Variants in MTUS2 observed in about 807,000 individuals in gnomAD.
The protein encoded by MTUS2 is microtubule-associated tumor suppressor candidate 2.
In MTUS2, 40 loss-of-function variants were observed where a neutral mutation model predicts 114.1. The observed-to-expected ratio is 0.35, with a 90% CI of 0.27 to 0.46. The LOEUF is 0.46. Ranked by LOEUF, MTUS2 falls within the 20% of genes least tolerant of loss-of-function variation. The pLI, the probability that MTUS2 is intolerant of heterozygous loss-of-function variation, is 1.00. For synonymous variants in MTUS2, 688 were observed against 672.0 expected (o/e 1.02, Z -0.37); for missense variants, 1,679 against 1,705.4 (o/e 0.98, Z 0.27).
intron 5 of MTUS2, among the ~76,000 whole-genome samples, chr13:29,274,402 GC>G (rs1897985457): frequency 6.6e-6 from 1 of 152,070 alleles, no homozygotes; most frequent in Non-Finnish European, 1.5e-5. Context: ...GAGCCACCAC[GC>G]CTGGCCAACT....
At chr13:28,877,145 AC>A (rs1310985070) in intron 2 of MTUS2, among the ~76,000 whole-genome samples, 3 of 148,990 alleles carry the variant, frequency 2.0e-5, no homozygotes, top group Non-Finnish European at 3.0e-5. Context: ...AAAAAAAAAA[AC>A]AACAAAAAAA....
At chr13:28,903,904 C>T (rs1310520407) in intron 2 of MTUS2, among the ~76,000 whole-genome samples, 1 of 152,106 alleles carries the variant, frequency 6.6e-6, no homozygotes, top group Non-Finnish European at 1.5e-5. Context: ...CCTATTTCTC[C>T]ACATCCTCTC....
intron 4 of MTUS2, among the ~76,000 whole-genome samples, chr13:29,057,505 A>G (rs1255872110): frequency 2.0e-5 from 3 of 152,076 alleles, no homozygotes; most frequent in Non-Finnish European, 2.9e-5. Flanking sequence ...TGTATTTAGG[A>G]TAGTTAGGTC....
chr13:28,966,775 C>G (rs1249769729), intron 2 of MTUS2, among the ~76,000 whole-genome samples: 1 of 130,862 alleles, frequency 7.6e-6, no homozygotes, highest in African/African-American at 2.8e-5. Context: ...ATTTTTTGAA[C>G]ATTTCTCAAA....
intron 5 of MTUS2, among the ~76,000 whole-genome samples, chr13:29,269,267 A>G (rs1897786415): frequency 6.6e-6 from 1 of 152,220 alleles, no homozygotes; most frequent in South Asian, 2.1e-4. Context: ...GAGAGTGGAT[A>G]AAAGTCTGCT....
intron 2 of MTUS2, among the ~76,000 whole-genome samples, chr13:28,863,435 T>C (rs2138074105): frequency 6.6e-6 from 1 of 152,336 alleles, no homozygotes; most frequent in South Asian, 2.1e-4. Context: ...TGTCAAGCCT[T>C]GTCAACGTTC....
In MTUS2 at chr13:28,945,199, C is replaced by T. The variant is rs142260805; in HGVS notation, c.-242-79258C>T. Among the ~76,000 whole-genome samples the T allele has an allele frequency of 9.3e-3, 1,321 of 141,826 alleles. 41 individuals carry two copies. The highest frequency in any genetic ancestry group is 0.033 in the African/African-American group (1,215 of 36,284). The allele number at this position is 141,826 out of a possible 152,430, so 93.0% of individuals were successfully genotyped here. ...TTCCATTATATATATATATATACAC[C>T]ACATTTTCTTTATCCAGTCGTCTGC... On this transcript the variant is annotated intron_variant, in intron 2 of 15. Transcript: ENST00000612955.
At chr13:29,119,026 A>G (rs1891200055) in intron 5 of MTUS2, among the ~76,000 whole-genome samples, 1 of 152,150 alleles carries the variant, frequency 6.6e-6, no homozygotes, top group African/African-American at 2.4e-5. Context: ...AAAGGCTCCT[A>G]ATATTTCTTG....
intron 2 of MTUS2, among the ~76,000 whole-genome samples, chr13:28,967,040 C>T (rs1177474765): frequency 6.6e-6 from 1 of 152,194 alleles, no homozygotes; most frequent in Admixed American, 6.5e-5. Flanking sequence ...CAATTTCATA[C>T]ACTGGACATC....
At chr13:28,936,711 C>A (rs967789682) in intron 2 of MTUS2, among the ~76,000 whole-genome samples, 3 of 152,092 alleles carry the variant, frequency 2.0e-5, no homozygotes, top group Middle Eastern at 3.2e-3. Flanking sequence ...TTCCGGTGTC[C>A]CCTGAGGCTT....
In MTUS2 at chr13:28,978,121, A is replaced by G. The variant is rs542019181; in HGVS notation, c.-242-46336A>G. 5.8e-4 allele frequency among the ~76,000 whole-genome samples: 89 copies of G among 152,294 alleles called. 1 individual carries two copies. The highest frequency in any genetic ancestry group is 6.5e-4 in the Admixed American group (10 of 15,300). On this transcript the variant is annotated intron_variant, in intron 2 of 15. Transcript: ENST00000612955. ...TTTTCTGCTACATTTACCTTGCCAC[A>G]TGTGTTCTTTCTTTCTTTAACCACT...
intron 5 of MTUS2, among the ~76,000 whole-genome samples, chr13:29,103,554 G>A (rs1890518117): frequency 6.6e-6 from 1 of 152,236 alleles, no homozygotes; most frequent in African/African-American, 2.4e-5. Context: ...TGGTGAGTCA[G>A]AGAATGAGTT....
chr13:29,274,916 G>T (rs1237250826), intron 5 of MTUS2, among the ~76,000 whole-genome samples: 1 of 151,892 alleles, frequency 6.6e-6, no homozygotes, highest in Non-Finnish European at 1.5e-5. Context: ...TAAATTTTTT[G>T]TAGAGACAGG....
chr13:29,210,442 C>T (rs145262798), intron 5 of MTUS2, among the ~76,000 whole-genome samples: 32 of 152,132 alleles, frequency 2.1e-4, no homozygotes, highest in African/African-American at 7.0e-4. Context: ...AGAGATTTCT[C>T]CTTGGTTTGG....
intron 9 of MTUS2, among the ~76,000 whole-genome samples, chr13:29,450,668 G>T (rs890727700): frequency 6.6e-5 from 10 of 152,038 alleles, no homozygotes; most frequent in African/African-American, 2.4e-4. Context: ...AGAAAAGCAA[G>T]ACTTGGCTAC....
intron 5 of MTUS2, among the ~76,000 whole-genome samples, chr13:29,127,410 A>G: frequency 6.6e-6 from 1 of 152,246 alleles, no homozygotes; most frequent in East Asian, 1.9e-4. Context: ...CTTAACATCT[A>G]TAATTTGCTG....
intron 2 of MTUS2, among the ~76,000 whole-genome samples, chr13:28,887,737 T>G (rs1442490438): frequency 2.0e-5 from 3 of 152,154 alleles, no homozygotes; most frequent in Non-Finnish European, 4.4e-5. Flanking sequence ...GGAGGGTCCC[T>G]TGAGGTCTGC....
At chr13:28,872,754 A>T (rs1171282111) in intron 2 of MTUS2, among the ~76,000 whole-genome samples, 1 of 152,152 alleles carries the variant, frequency 6.6e-6, no homozygotes, top group Admixed American at 6.5e-5. Flanking sequence ...TTTGCCTAAC[A>T]TCTCCCATTA....
Position 29,504,114 on chromosome 13 carries a change from A to C in MTUS2, c.*908A>C, listed in dbSNP as rs1029775572. On this transcript the variant is annotated 3_prime_UTR_variant, in exon 16 of 16. Transcript: ENST00000612955. ...AAAACATGGCAGAGCATGACCTTTGAGTAAGAGTGAGGATGACCTTGCAGA... is the reference window on the plus strand; with the variant it reads ...AAAACATGGCAGAGCATGACCTTTGCGTAAGAGTGAGGATGACCTTGCAGA... 1 of 231,816 alleles carries C rather than the reference A, an allele frequency of 4.3e-6. No individual in the cohort carries two copies. The highest frequency in any genetic ancestry group is 8.5e-6 in the Non-Finnish European group (1 of 117,270). The allele number at this position is 231,816 out of a possible 1,614,324, so 14.4% of individuals were successfully genotyped here. A position where few individuals can be genotyped will look rare whatever the true frequency, so the allele number is the denominator to read the frequency against.
Sources: allele counts gnomAD v4.1 joint callset (sites outside exome capture counted in the v4.1 genomes callset), GRCh38; gene constraint gnomAD v4.1.1; transcripts MANE v1.5; gene names NCBI Gene and HGNC (gene_info 2026-07-23, HGNC 2026-07-21).